Variants in SUCLG2 observed in about 807,000 individuals in gnomAD.
The protein encoded by SUCLG2 is succinate-CoA ligase GDP-forming subunit beta, also known as succinate--CoA ligase [GDP-forming] subunit beta, mitochondrial.
Under a neutral mutation model 47.9 loss-of-function variants are expected in SUCLG2, and 42 were observed. The observed-to-expected ratio is 0.88, with a 90% CI of 0.69 to 1.14. SUCLG2 has a LOEUF of 1.14. SUCLG2 is among the 50% of genes most tolerant of loss of function. SUCLG2 has a pLI of 0.00. For missense variants in SUCLG2, 571 were observed against 525.9 expected, an observed-to-expected ratio of 1.09 and a Z score of -0.84; for synonymous variants, 195 against 197.3, an observed-to-expected ratio of 0.99 and a Z score of 0.10.
At chr3:67,564,822 G>C (rs2107223860) in intron 2 of SUCLG2, among the ~76,000 whole-genome samples, 1 of 152,342 alleles carries the variant, frequency 6.6e-6, no homozygotes, top group East Asian at 1.9e-4. Context: ...CTGAGTCAGA[G>C]CTTGAAATCC....
At chr3:67,615,881 A>G (rs762173149) in intron 1 of SUCLG2, among the ~76,000 whole-genome samples, 2 of 152,130 alleles carry the variant, frequency 1.3e-5, no homozygotes, top group Non-Finnish European at 2.9e-5. Context: ...GTACATAACA[A>G]AAGGATACGA....
intron 1 of SUCLG2, among the ~76,000 whole-genome samples, chr3:67,642,244 C>A (rs1295000862): frequency 6.6e-6 from 1 of 152,148 alleles, no homozygotes; most frequent in Non-Finnish European, 1.5e-5. Context: ...AGGAGATGTG[C>A]AGGGCAACAG....
chr3:67,635,002 A>G (rs1700984789), intron 1 of SUCLG2, among the ~76,000 whole-genome samples: 1 of 152,256 alleles, frequency 6.6e-6, no homozygotes, highest in South Asian at 2.1e-4. Context: ...CTAGGAGAAT[A>G]GGATGAGTAA....
intron 10 of SUCLG2, among the ~76,000 whole-genome samples, chr3:67,365,848 C>T (rs529291987): frequency 5.3e-5 from 8 of 152,108 alleles, no homozygotes; most frequent in Non-Finnish European, 8.8e-5. Flanking sequence ...AAAACTATAA[C>T]GAAATATATT....
At chr3:67,381,515 A>G (rs904087824) in intron 10 of SUCLG2, among the ~76,000 whole-genome samples, 7 of 152,182 alleles carry the variant, frequency 4.6e-5, no homozygotes, top group Non-Finnish European at 8.8e-5. Flanking sequence ...TACAAAGGAA[A>G]TTGATCTCCT....
chr3:67,436,933 CT>C (rs1244350289), intron 9 of SUCLG2, among the ~76,000 whole-genome samples: 1 of 151,734 alleles, frequency 6.6e-6, no homozygotes, highest in Non-Finnish European at 1.5e-5. Context: ...TTTTTCTTTT[CT>C]TTTATTTATT....
intron 2 of SUCLG2, among the ~76,000 whole-genome samples, chr3:67,586,495 G>A (rs1708022825): frequency 6.6e-6 from 1 of 152,164 alleles, no homozygotes; most frequent in Non-Finnish European, 1.5e-5. Flanking sequence ...AGTCTAATGT[G>A]CCAATTTCAG....
At chr3:67,638,793 C>T (rs1701050380) in intron 1 of SUCLG2, among the ~76,000 whole-genome samples, 1 of 152,128 alleles carries the variant, frequency 6.6e-6, no homozygotes, top group Admixed American at 6.5e-5. Flanking sequence ...TTGTAAGTGA[C>T]TCGCCAGTAT....
chr3:67,502,301 A>G (rs1272676347), intron 7 of SUCLG2, among the ~76,000 whole-genome samples: 1 of 152,222 alleles, frequency 6.6e-6, no homozygotes, highest in Non-Finnish European at 1.5e-5. Flanking sequence ...TATACATAGT[A>G]CCAAACAAAC....
chr3:67,399,257 A>G (rs1402882351), intron 10 of SUCLG2, among the ~76,000 whole-genome samples: 1 of 152,192 alleles, frequency 6.6e-6, no homozygotes, highest in Non-Finnish European at 1.5e-5. Context: ...CTTTGTGACC[A>G]AATTATAAAC....
chr3:67,423,679 A>G (rs1361218877), intron 9 of SUCLG2, among the ~76,000 whole-genome samples: 4 of 152,196 alleles, frequency 2.6e-5, no homozygotes, highest in Non-Finnish European at 5.9e-5. Flanking sequence ...AAGATTCTGT[A>G]AAGATCAGAG....
At chr3:67,578,031 T>A (rs1178758284) in intron 2 of SUCLG2, among the ~76,000 whole-genome samples, 1 of 151,896 alleles carries the variant, frequency 6.6e-6, no homozygotes, top group East Asian at 1.9e-4. Flanking sequence ...GACCAGGGGT[T>A]TATTTTGTAT....
intron 9 of SUCLG2, among the ~76,000 whole-genome samples, chr3:67,467,393 T>C (rs1001054763): frequency 1.3e-5 from 2 of 152,200 alleles, no homozygotes; most frequent in African/African-American, 4.8e-5. Context: ...ACCTGCTTAA[T>C]CTCTAGAGAG....
At chr3:67,611,668 T>G (rs1446052812) in intron 1 of SUCLG2, among the ~76,000 whole-genome samples, 1 of 152,202 alleles carries the variant, frequency 6.6e-6, no homozygotes, top group Non-Finnish European at 1.5e-5. Context: ...AGAAAAAATA[T>G]AGTTTGAAAA....
intron 9 of SUCLG2, 147 bp downstream of exon 9, chr3:67,495,651 C>CAAAAAA: frequency 1.5e-6 from 1 of 652,198 alleles, no homozygotes; most frequent in Non-Finnish European, 2.3e-6. Flanking sequence ...GACTCCGTCT[C>CAAAAAA]AAAAAAAAAA....
chr3:67,424,264 G>A (rs904954852), intron 9 of SUCLG2, among the ~76,000 whole-genome samples: 1 of 152,114 alleles, frequency 6.6e-6, no homozygotes, highest in South Asian at 2.1e-4. Flanking sequence ...GCCTGGGGAA[G>A]AGGAGAAAAA....
intron 1 of SUCLG2, among the ~76,000 whole-genome samples, chr3:67,637,281 T>C (rs1048810941): frequency 1.3e-5 from 2 of 152,168 alleles, no homozygotes; most frequent in South Asian, 4.1e-4. Context: ...CCACAGTATA[T>C]GAACTGCCTC....
At chr3:67,425,607 T>A (rs925622133) in intron 9 of SUCLG2, among the ~76,000 whole-genome samples, 1 of 152,184 alleles carries the variant, frequency 6.6e-6, no homozygotes, top group East Asian at 1.9e-4. Flanking sequence ...CCATCCCTGG[T>A]TCCCAGGCCT....
intron 9 of SUCLG2, among the ~76,000 whole-genome samples, chr3:67,424,382 T>C (rs1449153006): frequency 3.3e-5 from 5 of 152,192 alleles, no homozygotes; most frequent in Non-Finnish European, 5.9e-5. Context: ...TTTTCCCAGT[T>C]ATCCTTCTCT....
Sources: allele counts gnomAD v4.1 joint callset (sites outside exome capture counted in the v4.1 genomes callset), GRCh38; gene constraint gnomAD v4.1.1; transcripts MANE v1.5; gene names NCBI Gene and HGNC (gene_info 2026-07-23, HGNC 2026-07-21).